Variants in ADAMTS16 observed in about 807,000 individuals in gnomAD.
The protein encoded by ADAMTS16 is ADAM metallopeptidase with thrombospondin type 1 motif 16.
Under a neutral mutation model 145.8 loss-of-function variants are expected in ADAMTS16, and 94 were observed. That is an observed-to-expected ratio of 0.64 (90% CI 0.55 to 0.77). The LOEUF (loss-of-function observed/expected upper bound fraction) is 0.77. ADAMTS16 is among the 30% of genes least tolerant of loss of function. The probability of loss-of-function intolerance (pLI) is 0.00; values close to 1 mark genes in which losing one functional copy is unlikely to be tolerated. For missense variants in ADAMTS16, 1,585 were observed against 1,591.5 expected, an observed-to-expected ratio of 1.00 and a Z score of 0.07; for synonymous variants, 659 against 604.3, an observed-to-expected ratio of 1.09 and a Z score of -1.33.
rs181060991 is a variant in ADAMTS16 at position 5,238,860 on chromosome 5, C to T, written c.2155-291C>T. On this transcript the variant is annotated intron_variant, in intron 14 of 22. Transcript: ENST00000274181. ...AAGCCCTTTAGGTCAGTGTGAAATT[C>T]ACCCATCGCTCCAACATGACAACCT... Among the ~76,000 whole-genome samples the T allele has an allele frequency of 3.2e-4, 49 of 152,312 alleles. No homozygotes were observed. In the East Asian group the frequency reaches 6.9e-3, roughly 22 times the overall value.
chr5:5,255,633 A>G (rs1197473921), intron 17 of ADAMTS16, among the ~76,000 whole-genome samples: 1 of 152,180 alleles, frequency 6.6e-6, no homozygotes, highest in Non-Finnish European at 1.5e-5. Flanking sequence ...TCCAAATCTC[A>G]TGCTAGTGCC....
chr5:5,293,137 A>G (rs1739397799), intron 18 of ADAMTS16, among the ~76,000 whole-genome samples: 1 of 152,182 alleles, frequency 6.6e-6, no homozygotes, highest in African/African-American at 2.4e-5. Context: ...AGATGCTCTG[A>G]TGGTGTCACG....
At chr5:5,194,495 A>C (rs1174610299) in intron 8 of ADAMTS16, among the ~76,000 whole-genome samples, 1 of 152,160 alleles carries the variant, frequency 6.6e-6, no homozygotes, top group Non-Finnish European at 1.5e-5. Context: ...ATATTCAGCA[A>C]ATGTGTATGA....
chr5:5,272,184 G>A (rs940945906), intron 18 of ADAMTS16, among the ~76,000 whole-genome samples: 1 of 152,046 alleles, frequency 6.6e-6, no homozygotes, highest in Admixed American at 6.6e-5. Flanking sequence ...TTTGCTCACA[G>A]GAATGCTGGA....
At position 5,191,682 on chromosome 5, in the gene ADAMTS16, C is replaced by T. The variant is rs201102991; in HGVS notation, c.1208-3C>T. 4 of 1,610,438 alleles carry T rather than the reference C, an allele frequency of 2.5e-6. No individual in the cohort carries two copies. The highest frequency in any genetic ancestry group is 2.5e-6 in the Non-Finnish European group (3 of 1,177,152). ...GTGTTCTTTTGATCTTTGTCCTTCACAGGATTTGCACCCATAAGTGGAATG... is the reference window on the plus strand; with the variant it reads ...GTGTTCTTTTGATCTTTGTCCTTCATAGGATTTGCACCCATAAGTGGAATG... On this transcript the variant is annotated splice_polypyrimidine_tract_variant and splice_region_variant and intron_variant, in intron 7 of 22. Transcript: ENST00000274181.
intron 10 of ADAMTS16, among the ~76,000 whole-genome samples, chr5:5,217,781 G>A (rs947450094): frequency 1.3e-5 from 2 of 152,218 alleles, no homozygotes; most frequent in Non-Finnish European, 2.9e-5. Context: ...GATAAAGCAA[G>A]AGTAAATACT....
intron 18 of ADAMTS16, among the ~76,000 whole-genome samples, chr5:5,293,747 C>T (rs535507364): frequency 4.6e-5 from 7 of 152,330 alleles, no homozygotes; most frequent in Admixed American, 1.3e-4. Flanking sequence ...CCAAATTGAG[C>T]GTTTGGTAAA....
intron 3 of ADAMTS16, among the ~76,000 whole-genome samples, chr5:5,180,931 T>TA (rs1022090309): frequency 2.0e-5 from 3 of 152,282 alleles, no homozygotes; most frequent in Non-Finnish European, 2.9e-5. Context: ...TTCAGAAACT[T>TA]AAAAAAATGT....
At chr5:5,211,060 T>C (rs1736261495) in intron 10 of ADAMTS16, among the ~76,000 whole-genome samples, 1 of 152,222 alleles carries the variant, frequency 6.6e-6, no homozygotes, top group African/African-American at 2.4e-5. Flanking sequence ...TCTCATAATT[T>C]ATTTTCAAGA....
Position 5,191,420 on chromosome 5 carries a change from C to T in ADAMTS16, c.1208-265C>T, listed in dbSNP as rs184711086. On this transcript the variant is annotated intron_variant, in intron 7 of 22. Coordinates refer to ENST00000274181, the MANE Select transcript of ADAMTS16 (RefSeq NM_139056.4). Reference sequence around the variant, plus strand: ...CCTGCCCCAGGCTCTAATAGAGTCACGCCCCAATTAGAGCCTGCACCACGA... The same window carrying T: ...CCTGCCCCAGGCTCTAATAGAGTCATGCCCCAATTAGAGCCTGCACCACGA... 8.7e-4 allele frequency among the ~76,000 whole-genome samples: 132 copies of T among 152,082 alleles called. 1 individual carries two copies. The highest frequency in any genetic ancestry group is 2.6e-3 in the African/African-American group (109 of 41,480).
At chr5:5,187,675 G>T (rs764998600) in intron 5 of ADAMTS16, 50 bp from the exon 6 acceptor site, 1 of 1,271,350 alleles carries the variant, frequency 7.9e-7, no homozygotes, top group Non-Finnish European at 1.2e-6. Context: ...TAGTAAGTAG[G>T]GGGGAAAATG....
rs116326068 is a variant in ADAMTS16 at position 5,299,017 on chromosome 5, G to A, written c.2790-4251G>A. Among the ~76,000 whole-genome samples the A allele has an allele frequency of 7.2e-3, 1,099 of 151,782 alleles. 16 individuals carry two copies. The highest frequency in any genetic ancestry group is 0.025 in the African/African-American group (1,025 of 41,316). On this transcript the variant is annotated intron_variant, in intron 18 of 22. Coordinates refer to ENST00000274181, the MANE Select transcript of ADAMTS16 (RefSeq NM_139056.4). The stretch of plus-strand genomic sequence containing the variant: ...AGCGAATGCTGTATTCTAATGTTGC[G>A]TCTCACGGCATCCAGCACCCGCCAC...
chr5:5,223,474 C>G (rs968680012), intron 11 of ADAMTS16: 1 of 152,578 alleles, frequency 6.6e-6, no homozygotes, highest in African/African-American at 2.4e-5. Context: ...AACCATAGAC[C>G]CCGGGGACTA....
intron 18 of ADAMTS16, among the ~76,000 whole-genome samples, chr5:5,284,141 T>G (rs970840929): frequency 6.6e-6 from 1 of 152,244 alleles, no homozygotes; most frequent in Non-Finnish European, 1.5e-5. Flanking sequence ...CTAATACTAC[T>G]ATAGTTGCCT....
At position 5,306,629 on chromosome 5, in the gene ADAMTS16, G is replaced by C. The variant is rs773967923; in HGVS notation, c.3312G>C (p.Glu1104Asp). 7 of 1,614,074 alleles carry C rather than the reference G, an allele frequency of 4.3e-6. No homozygotes were observed. The Admixed American group carries it at 5.0e-5, about 12-fold the overall frequency. The change falls in exon 21 of 23, where the codon GAG becomes GAC. Residue 1104 changes from glutamate to aspartate, a missense_variant. Around this residue, in one of 3 missense-constraint regions of ADAMTS16, gnomAD observed 834 missense variants for 811.7 expected, o/e 1.03. Transcript: ENST00000274181. ...CACATTTGCCGAAGCCCAGCCTGGA[G>C]CTGGAACGTGCCTGCGCCCCGCTTC... ...KCSHLPKPSLELERACAPLPC... is the reference protein window; with the variant it reads ...KCSHLPKPSLDLERACAPLPC...
At chr5:5,284,642 TG>T (rs1739042822) in intron 18 of ADAMTS16, among the ~76,000 whole-genome samples, 1 of 152,232 alleles carries the variant, frequency 6.6e-6, no homozygotes, top group Non-Finnish European at 1.5e-5. Flanking sequence ...AATTCTGTCT[TG>T]TTTTCTCCAC....
At position 5,182,107 on chromosome 5, in the gene ADAMTS16, T is replaced by C; in HGVS notation, c.565T>C (p.Trp189Arg). The C allele has an allele frequency of 1.9e-6, 3 of 1,614,046 alleles. No individual in the cohort carries two copies. Among genetic ancestry groups the C allele is most frequent in the Non-Finnish European group, 2.5e-6 (3 of 1,180,018 alleles). Residue 189 changes from tryptophan to arginine, a missense_variant, in exon 4 of 23, where the codon TGG becomes CGG. Around this residue, in one of 3 missense-constraint regions of ADAMTS16, gnomAD observed 453 missense variants for 412.1 expected, o/e 1.10. Coordinates refer to ENST00000274181, the MANE Select transcript of ADAMTS16 (RefSeq NM_139056.4). ...AAGGCCACTTCCTTCACACCTCTCA[T>C]GGAAACTCGGCAGAGCTGCCCAAGG... ...FLRPLPSHLS[W>R]KLGRAAQGSS...
chr5:5,313,555 C>T (rs1459482441), intron 21 of ADAMTS16, among the ~76,000 whole-genome samples: 1 of 152,178 alleles, frequency 6.6e-6, no homozygotes, highest in African/African-American at 2.4e-5. Context: ...CAGGGTGTGC[C>T]CTCAGTGCTG....
intron 18 of ADAMTS16, among the ~76,000 whole-genome samples, chr5:5,283,202 G>A (rs1019983384): frequency 1.3e-5 from 2 of 152,016 alleles, no homozygotes; most frequent in Non-Finnish European, 2.9e-5. Flanking sequence ...CCTGATCTCA[G>A]TTAGAATGTT....
Sources: gnomAD v4.1 joint callset for allele counts (sites outside exome capture counted in the v4.1 genomes callset) on GRCh38, gnomAD v4.1.1 for gene constraint, gnomAD v4.1.1 regional missense constraint, MANE v1.5 for transcripts, NCBI Gene and HGNC (gene_info 2026-07-23, HGNC 2026-07-21) for gene names.